Variants in ACTR3C observed in about 807,000 individuals in gnomAD.
ACTR3C encodes actin related protein 3C, also known as actin-related protein 3C.
A neutral mutation model predicts 26.3 loss-of-function variants in ACTR3C; 18 were observed. That is an observed-to-expected ratio of 0.68 (90% CI 0.47 to 1.01). The LOEUF is 1.01. ACTR3C is among the 50% of genes least tolerant of loss of function. The probability of loss-of-function intolerance (pLI) is 0.00; values close to 1 mark genes in which losing one functional copy is unlikely to be tolerated. For synonymous variants in ACTR3C, 55 were observed against 94.5 expected (o/e 0.58, Z 2.42); for missense variants, 184 against 250.7 (o/e 0.73, Z 1.80).
At chr7:150,237,859 A>G in the ACTR3C span, among the ~76,000 whole-genome samples, 1 of 149,686 alleles carries the variant, frequency 6.7e-6, no homozygotes, top group South Asian at 2.1e-4. Flanking sequence ...TAAAGTTTTA[A>G]TCTGCTAACA....
the ACTR3C span, among the ~76,000 whole-genome samples, chr7:149,984,802 C>T: frequency 2.0e-5 from 3 of 151,974 alleles, no homozygotes; most frequent in Non-Finnish European, 4.4e-5. Context: ...CTTCGTGATC[C>T]ACTCCAGCCA....
the ACTR3C span, among the ~76,000 whole-genome samples, chr7:150,207,993 G>A: frequency 6.6e-6 from 1 of 152,208 alleles, no homozygotes; most frequent in East Asian, 1.9e-4. Context: ...AACAGGAAAT[G>A]GATGAATCCT....
At chr7:150,048,677 C>T in the ACTR3C span, among the ~76,000 whole-genome samples, 1 of 152,070 alleles carries the variant, frequency 6.6e-6, no homozygotes, top group African/African-American at 2.4e-5. Flanking sequence ...GCGCCGGGCT[C>T]CCCGCGCCCC....
chr7:150,130,280 G>A, the ACTR3C span, among the ~76,000 whole-genome samples: 205 of 152,222 alleles, frequency 1.3e-3, no homozygotes, highest in South Asian at 0.012. Context: ...CTTAAATAGA[G>A]TATGACAGTC....
intron 6 of ACTR3C, among the ~76,000 whole-genome samples, chr7:150,249,403 C>A (rs1832673173): frequency 2.0e-5 from 3 of 152,032 alleles, no homozygotes; most frequent in African/African-American, 4.8e-5. Flanking sequence ...ACAAACCTAC[C>A]CTTACAGAAG....
At chr7:150,047,534 C>A in the ACTR3C span, 5 of 905,488 alleles carry the variant, frequency 5.5e-6, no homozygotes, top group African/African-American at 9.4e-5. Context: ...CCACAGATGC[C>A]CCCGGCCGAC....
the ACTR3C span, among the ~76,000 whole-genome samples, chr7:150,088,032 G>C: frequency 6.6e-6 from 1 of 152,206 alleles, no homozygotes; most frequent in African/African-American, 2.4e-5. Flanking sequence ...TGGGTTACTT[G>C]TCAGTTTGTT....
intron 1 of ACTR3C, among the ~76,000 whole-genome samples, chr7:150,301,411 TTC>T (rs1248439986): frequency 3.9e-5 from 6 of 152,368 alleles, no homozygotes; most frequent in Non-Finnish European, 7.3e-5. Context: ...GCTCCCTGCA[TTC>T]TCTCTGGGTC....
intron 6 of ACTR3C, chr7:150,264,469 A>G (rs1833877839): frequency 1.6e-6 from 1 of 643,782 alleles, no homozygotes; most frequent in South Asian, 7.1e-5. Flanking sequence ...ATGAGCTCAG[A>G]AAGTACGCAG....
At chr7:150,108,480 T>C in the ACTR3C span, among the ~76,000 whole-genome samples, 2 of 151,604 alleles carry the variant, frequency 1.3e-5, no homozygotes, top group African/African-American at 2.4e-5. Flanking sequence ...AGAGGTGGCC[T>C]TATAGATTTG....
intron 1 of ACTR3C, among the ~76,000 whole-genome samples, chr7:150,315,396 C>T (rs1262049453): frequency 4.6e-5 from 7 of 152,116 alleles, no homozygotes; most frequent in Admixed American, 1.3e-4. Context: ...ATGCTAGCAA[C>T]GCCTACAAAT....
At chr7:149,912,663 C>T in the ACTR3C span, among the ~76,000 whole-genome samples, 10,920 of 151,420 alleles carry the variant, frequency 0.072, 449 homozygotes, top group African/African-American at 0.11. Context: ...CCACCACACC[C>T]GGCTAATTTT....
chr7:149,923,105 C>T, the ACTR3C span, among the ~76,000 whole-genome samples: 1 of 141,896 alleles, frequency 7.0e-6, no homozygotes, highest in African/African-American at 2.6e-5. Context: ...AATAAAAGGA[C>T]TATATATAAT....
chr7:150,189,387 A>C, the ACTR3C span, among the ~76,000 whole-genome samples: 1 of 152,172 alleles, frequency 6.6e-6, no homozygotes, highest in African/African-American at 2.4e-5. Context: ...GAGTTCCCCA[A>C]ATATCTTGTG....
the ACTR3C span, among the ~76,000 whole-genome samples, chr7:149,896,841 C>T: frequency 6.6e-6 from 1 of 151,792 alleles, no homozygotes. Flanking sequence ...GGGTAGATCA[C>T]CTGAGGTCAG....
the ACTR3C span, among the ~76,000 whole-genome samples, chr7:150,120,825 C>T: frequency 6.6e-6 from 1 of 152,068 alleles, no homozygotes; most frequent in Non-Finnish European, 1.5e-5. Flanking sequence ...AACATTGATG[C>T]AAAAATCCTC....
At chr7:150,188,376 A>C in the ACTR3C span, among the ~76,000 whole-genome samples, 1 of 151,462 alleles carries the variant, frequency 6.6e-6, no homozygotes, top group Non-Finnish European at 1.5e-5. Context: ...TGAAGACTTC[A>C]GTTGTTTCAT....
At chr7:150,026,911 T>C in the ACTR3C span, among the ~76,000 whole-genome samples, 1 of 152,144 alleles carries the variant, frequency 6.6e-6, no homozygotes, top group East Asian at 1.9e-4. Flanking sequence ...AAAAATGTCA[T>C]AAAATAATAG....
At chr7:149,941,718 G>A in the ACTR3C span, among the ~76,000 whole-genome samples, 12 of 152,222 alleles carry the variant, frequency 7.9e-5, no homozygotes, top group Non-Finnish European at 1.6e-4. Context: ...ACTGGGATGG[G>A]AAACACAGGC....
Sources: gnomAD v4.1 joint callset for allele counts (sites outside exome capture counted in the v4.1 genomes callset) on GRCh38, gnomAD v4.1.1 for gene constraint, MANE v1.5 for transcripts, NCBI Gene and HGNC (gene_info 2026-07-23, HGNC 2026-07-21) for gene names.